Variants in NOSIP observed in about 807,000 individuals in gnomAD.
The protein encoded by NOSIP is nitric oxide synthase-interacting protein.
In NOSIP, 25 loss-of-function variants were observed where a neutral mutation model predicts 36.4. The observed-to-expected ratio is 0.69, with a 90% CI of 0.50 to 0.96. The LOEUF (loss-of-function observed/expected upper bound fraction) is 0.96. NOSIP is among the 40% of genes least tolerant of loss of function. The probability of loss-of-function intolerance (pLI) is 0.00; values close to 1 mark genes in which losing one functional copy is unlikely to be tolerated. For synonymous variants in NOSIP, 187 were observed against 179.2 expected (o/e 1.04, Z -0.35); for missense variants, 370 against 429.0 (o/e 0.86, Z 1.21).
In NOSIP at chr19:49,560,162, C is replaced by G; in HGVS notation, c.71-123G>C. 1 of 683,610 alleles carries G rather than the reference C, an allele frequency of 1.5e-6. No individual in the cohort carries two copies. Among genetic ancestry groups the G allele is most frequent in the African/African-American group, 1.8e-5 (1 of 55,754 alleles). 42.3% of individuals were successfully genotyped at this position (683,610 alleles called of 1,614,324 possible). The stretch of plus-strand genomic sequence containing the variant: ...TGGGGGTGGGGGACTCAGAGAGAAA[C>G]AGGCAGTTGGGAGCCGCTGCCTGTG... On this transcript the variant is annotated intron_variant, in intron 2 of 8. Coordinates refer to ENST00000596358, the MANE Select transcript of NOSIP (RefSeq NM_001270960.2). This position sits in a 1 kb window ranked among gnomAD's most constrained non-coding sequence, Gnocchi z 4.6.
At chr19:49,568,798 G>GGTT (rs2080444720) in intron 1 of NOSIP, among the ~76,000 whole-genome samples, 1 of 106,908 alleles carries the variant, frequency 9.4e-6, no homozygotes, top group Admixed American at 9.8e-5. Flanking sequence ...AAAAAAAATA[G>GGTT]TTTGTTTGTT....
intron 1 of NOSIP, among the ~76,000 whole-genome samples, chr19:49,579,497 G>T (rs771996511): frequency 2.6e-5 from 4 of 152,178 alleles, no homozygotes; most frequent in Non-Finnish European, 5.9e-5. Flanking sequence ...GATAAAGGAA[G>T]TCCCCTCTAC....
intron 1 of NOSIP, among the ~76,000 whole-genome samples, chr19:49,567,994 G>A (rs1640915859): frequency 6.6e-6 from 1 of 152,074 alleles, no homozygotes; most frequent in African/African-American, 2.4e-5. Context: ...GGACTAATAT[G>A]TAGAATAGTC....
chr19:49,559,754 C>A, intron 3 of NOSIP, 180 bp downstream of exon 3: 1 of 631,072 alleles, frequency 1.6e-6, no homozygotes, highest in Non-Finnish European at 2.9e-6. Flanking sequence ...ATGTTCCACA[C>A]TATGAAACAG....
rs755682821 is a variant in NOSIP at position 49,558,929 on chromosome 19, G to A, written c.226C>T (p.His76Tyr). ...TGCCGGGCAATCTCCTTCTTCTGGT[G>A]CAGAATGTACTCCAGGATGGCCTCA... ...EREAILEYILHQKKEIARQMK... is the reference protein window; with the variant it reads ...EREAILEYILYQKKEIARQMK... Residue 76 changes from histidine (H) to tyrosine (Y), a missense_variant, in exon 4 of 9, where the codon CAC becomes TAC. Around this residue, in one of 3 missense-constraint regions of NOSIP, gnomAD observed 315 missense variants for 331.9 expected, o/e 0.95. Transcript: ENST00000596358. 6.2e-7 allele frequency: 1 copy of A among 1,613,964 alleles called. No homozygotes were observed. The highest frequency in any genetic ancestry group is 1.3e-5 in the African/African-American group (1 of 74,908).
chr19:49,563,292 C>T (rs2080359794), intron 1 of NOSIP, among the ~76,000 whole-genome samples: 1 of 151,916 alleles, frequency 6.6e-6, no homozygotes, highest in Non-Finnish European at 1.5e-5. Flanking sequence ...TCTCCTGCCT[C>T]AGCCTCTCGA....
chr19:49,569,746 T>A (rs113616249), intron 1 of NOSIP, among the ~76,000 whole-genome samples: 16,041 of 151,660 alleles, frequency 0.11, 1,073 homozygotes, highest in African/African-American at 0.18. Flanking sequence ...AGGTGGAGGT[T>A]GCAGTGAGCC....
chr19:49,565,345 G>A (rs1355071088), intron 1 of NOSIP, among the ~76,000 whole-genome samples: 1 of 151,998 alleles, frequency 6.6e-6, no homozygotes, highest in Non-Finnish European at 1.5e-5. Context: ...GTAGCATCTG[G>A]GAGGCTGGGA....
chr19:49,579,666 T>C (rs898241035), intron 1 of NOSIP, among the ~76,000 whole-genome samples: 6 of 152,226 alleles, frequency 3.9e-5, no homozygotes. Flanking sequence ...TGTTGTTTGA[T>C]TGTAGATTCA....
At position 49,555,716 on chromosome 19, in the gene NOSIP, C is replaced by G; in HGVS notation, c.*35G>C. The G allele has an allele frequency of 6.3e-7, 1 of 1,593,082 alleles. No homozygotes were observed. Among genetic ancestry groups the G allele is most frequent in the East Asian group, 2.2e-5 (1 of 44,622 alleles). ...CGAATGAAGGCGCCACGTCGTTGCG[C>G]ACCCAAGCCGGTTTATTTGGTCTCC... On this transcript the variant is annotated 3_prime_UTR_variant, in exon 9 of 9. Coordinates refer to ENST00000596358, the MANE Select transcript of NOSIP (RefSeq NM_001270960.2).
intron 1 of NOSIP, among the ~76,000 whole-genome samples, chr19:49,564,320 GGT>G (rs1568405685): frequency 6.6e-6 from 1 of 151,868 alleles, no homozygotes; most frequent in Non-Finnish European, 1.5e-5. Flanking sequence ...TGGTCGTGGT[GGT>G]GTGCGCCTGT....
chr19:49,573,570 G>A (rs909200305), intron 1 of NOSIP, among the ~76,000 whole-genome samples: 4 of 152,124 alleles, frequency 2.6e-5, no homozygotes, highest in Non-Finnish European at 5.9e-5. Context: ...GGCCAGGGGA[G>A]GTGGGTTAGC....
At chr19:49,580,071 A>T (rs1465070664) in intron 1 of NOSIP, among the ~76,000 whole-genome samples, 1 of 150,904 alleles carries the variant, frequency 6.6e-6, no homozygotes, top group Non-Finnish European at 1.5e-5. Flanking sequence ...GTGGCGATGG[A>T]TGACTGCACA....
At chr19:49,575,063 C>G (rs2080534060) in intron 1 of NOSIP, among the ~76,000 whole-genome samples, 1 of 152,088 alleles carries the variant, frequency 6.6e-6, no homozygotes, top group Admixed American at 6.6e-5. Flanking sequence ...GGGGGTTTCA[C>G]CACGTTAGCC....
At chr19:49,557,758 G>C in intron 4 of NOSIP, 1 of 990,062 alleles carries the variant, frequency 1.0e-6, no homozygotes, top group Non-Finnish European at 1.2e-6. Context: ...GAGGACGGGA[G>C]AAGTGAAGCC....
At chr19:49,563,597 A>C (rs2080364454) in intron 1 of NOSIP, among the ~76,000 whole-genome samples, 1 of 149,334 alleles carries the variant, frequency 6.7e-6, no homozygotes, top group South Asian at 2.1e-4. Context: ...GGGTTCAAGC[A>C]ATTCTCCTGC....
intron 1 of NOSIP, among the ~76,000 whole-genome samples, chr19:49,580,011 C>A (rs1158086916): frequency 6.6e-6 from 1 of 151,610 alleles, no homozygotes; most frequent in Non-Finnish European, 1.5e-5. Context: ...AAACGTGAAT[C>A]CCTGCACCAA....
chr19:49,576,422 A>T (rs1358703328), intron 1 of NOSIP, among the ~76,000 whole-genome samples: 14 of 151,720 alleles, frequency 9.2e-5, no homozygotes, highest in African/African-American at 3.4e-4. Flanking sequence ...AACAAAATTT[A>T]AAAAATTAGC....
chr19:49,563,989 G>A (rs61138558), intron 1 of NOSIP, among the ~76,000 whole-genome samples: 16,104 of 152,110 alleles, frequency 0.11, 1,088 homozygotes, highest in African/African-American at 0.18. Context: ...AGTCTGCAAG[G>A]TCAAAACTGT....
Sources: allele counts gnomAD v4.1 joint callset (sites outside exome capture counted in the v4.1 genomes callset), GRCh38; gene constraint gnomAD v4.1.1; regional missense constraint gnomAD v4.1.1; non-coding constraint Gnocchi (gnomAD v3.1); transcripts MANE v1.5; gene names NCBI Gene and HGNC (gene_info 2026-07-23, HGNC 2026-07-21).